Variants in NLRP1 observed in about 807,000 individuals in gnomAD.
NLRP1 encodes the protein NACHT, LRR and PYD domains-containing protein 1.
NLRP1 carries 94 observed loss-of-function variants against 136.7 expected under a neutral mutation model. That is an observed-to-expected ratio of 0.69 (90% CI 0.58 to 0.82). NLRP1 has a LOEUF of 0.82. Among genes scored for constraint, NLRP1 ranks in the 40% least tolerant of loss-of-function variants. NLRP1 has a pLI of 0.00. For missense variants in NLRP1, 1,575 were observed against 1,802.7 expected (o/e 0.87, Z 2.29); for synonymous variants, 690 against 725.1 (o/e 0.95, Z 0.78).
At chr17:5,531,272 G>A (rs1447513322) in intron 11 of NLRP1, among the ~76,000 whole-genome samples, 3 of 151,964 alleles carry the variant, frequency 2.0e-5, no homozygotes, top group African/African-American at 4.8e-5. Context: ...CTGGAGCGCA[G>A]TGGCCCGATC....
Position 5,582,064 on chromosome 17 carries a change from TG to T in NLRP1, c.449-3del, listed in dbSNP as rs1010176101. 6.2e-7 allele frequency: 1 copy of T among 1,607,294 alleles called. No individual in the cohort carries two copies. The highest frequency in any genetic ancestry group is 8.5e-7 in the Non-Finnish European group (1 of 1,175,340). ...GGTAGAGGAGTGAGGCAGAGATTTC[TG>T]GGGGGAATGAAAAGAAAAATAACCA... On this transcript the variant is annotated splice_region_variant and splice_polypyrimidine_tract_variant and intron_variant, in intron 2 of 16. Coordinates refer to ENST00000572272, the MANE Select transcript of NLRP1 (RefSeq NM_033004.4).
chr17:5,506,563 T>C (rs534819511), intron 15 of NLRP1, among the ~76,000 whole-genome samples: 46 of 152,170 alleles, frequency 3.0e-4, no homozygotes, highest in Non-Finnish European at 5.3e-4. Flanking sequence ...AAATGTGGCA[T>C]AGACATACAA....
At chr17:5,533,517 C>A in intron 9 of NLRP1, 133 bp from the exon 10 acceptor site, 1 of 584,618 alleles carries the variant, frequency 1.7e-6, no homozygotes, top group South Asian at 1.9e-5. Context: ...GAACATGCCA[C>A]TGCACTCCAG....
chr17:5,532,775 T>C, intron 11 of NLRP1, 47 bp downstream of exon 11: 1 of 1,522,076 alleles, frequency 6.6e-7, no homozygotes, highest in Non-Finnish European at 8.8e-7. Flanking sequence ...GGATGGGCAG[T>C]GGGGTGCGGG....
At chr17:5,507,953 G>T (rs1457413233) in intron 15 of NLRP1, among the ~76,000 whole-genome samples, 2 of 151,984 alleles carry the variant, frequency 1.3e-5, no homozygotes, top group African/African-American at 4.8e-5. Context: ...GGCCAACATG[G>T]TGAAACCCCA....
Position 5,521,533 on chromosome 17 carries a change from G to A in NLRP1, c.3774C>T (p.Ser1258=). The part of the protein sequence containing the change: ...FHLYLIPSDC[S]IRKAIDDLEM... ...TGGCTCTTAGTGTCACCTTCCGAAT[G>A]GAGCAGTCACTTGGGATCAGGTAGA... Residue 1258 remains serine, a synonymous_variant, in exon 13 of 17, where the codon TCC becomes TCT. Transcript: ENST00000572272. 1.9e-6 allele frequency: 3 copies of A among 1,613,252 alleles called. No homozygotes were observed. Among genetic ancestry groups the A allele is most frequent in the Non-Finnish European group, 8.5e-7 (1 of 1,179,498 alleles).
chr17:5,535,018 G>A (rs1200764666), intron 8 of NLRP1, among the ~76,000 whole-genome samples: 1 of 152,156 alleles, frequency 6.6e-6, no homozygotes, highest in Non-Finnish European at 1.5e-5. Context: ...TCAGGAGTTC[G>A]AGACCAGCCT....
intron 3 of NLRP1, among the ~76,000 whole-genome samples, chr17:5,565,016 C>T (rs997701945): frequency 6.6e-6 from 1 of 152,128 alleles, no homozygotes; most frequent in African/African-American, 2.4e-5. Flanking sequence ...GGATTACAGG[C>T]ATGAGCCACT....
At chr17:5,533,492 G>A in intron 9 of NLRP1, 108 bp from the exon 10 acceptor site, 1 of 645,310 alleles carries the variant, frequency 1.5e-6, no homozygotes, top group South Asian at 1.7e-5. Flanking sequence ...GAAGGTTTAG[G>A]CTGCAGTGAG....
chr17:5,546,843 C>T (rs1912722517), intron 5 of NLRP1, among the ~76,000 whole-genome samples: 1 of 152,126 alleles, frequency 6.6e-6, no homozygotes, highest in African/African-American at 2.4e-5. Flanking sequence ...GGCATCCAAG[C>T]GTGTGTAAGG....
intron 12 of NLRP1, among the ~76,000 whole-genome samples, chr17:5,526,514 CA>C (rs1395415874): frequency 3.3e-5 from 5 of 152,090 alleles, no homozygotes; most frequent in African/African-American, 1.2e-4. Context: ...TTCCCACAGG[CA>C]GCACAGAGAG....
At chr17:5,568,598 G>A (rs1199818472) in intron 3 of NLRP1, among the ~76,000 whole-genome samples, 2 of 152,212 alleles carry the variant, frequency 1.3e-5, no homozygotes, top group African/African-American at 2.4e-5. Flanking sequence ...CCTGGATGGT[G>A]TTAATGCTAG....
intron 3 of NLRP1, among the ~76,000 whole-genome samples, chr17:5,574,715 G>A (rs1457054604): frequency 1.3e-5 from 2 of 148,272 alleles, no homozygotes; most frequent in East Asian, 4.0e-4. Flanking sequence ...AGGCTGGAGT[G>A]CAGTGGCATA....
chr17:5,545,210 A>AGGTG (rs1291285036), intron 5 of NLRP1, among the ~76,000 whole-genome samples: 1 of 152,072 alleles, frequency 6.6e-6, no homozygotes, highest in African/African-American at 2.4e-5. Context: ...TTGGAGGCCG[A>AGGTG]GGTGGGAGGA....
At chr17:5,556,108 C>CTG (rs1914021878) in intron 4 of NLRP1, among the ~76,000 whole-genome samples, 1 of 135,546 alleles carries the variant, frequency 7.4e-6, no homozygotes, top group Admixed American at 8.1e-5. Context: ...GTCTCTGTCT[C>CTG]TCTCTCTACA....
At position 5,564,673 on chromosome 17, in the gene NLRP1, G is replaced by C. The variant is rs564216535; in HGVS notation, c.653-4630C>G. On this transcript the variant is annotated intron_variant, in intron 3 of 16. Coordinates refer to ENST00000572272, the MANE Select transcript of NLRP1 (RefSeq NM_033004.4). Reference sequence around the variant, plus strand: ...AACATAGAAGTGCATGTATCTCTTCGATATTCTGATTTCCTTTCTTTTGGA... The same window carrying C: ...AACATAGAAGTGCATGTATCTCTTCCATATTCTGATTTCCTTTCTTTTGGA... 2.7e-5 allele frequency among the ~76,000 whole-genome samples: 4 copies of C among 149,938 alleles called. No homozygotes were observed. In the South Asian group the frequency reaches 6.3e-4, roughly 24 times the overall value.
At position 5,520,984 on chromosome 17, in the gene NLRP1, T is replaced by C. The variant is rs1404233127; in HGVS notation, c.3812A>G (p.Gln1271Arg). The part of the protein sequence containing the change: ...KAIDDLEMKF[Q>R]FVRIHKPPPL... Reference sequence around the variant, plus strand: ...GGGTGGCTTGTGGATTCGCACAAACTGGAATTTCATTTCTAGATCATCTAT... The same window carrying C: ...GGGTGGCTTGTGGATTCGCACAAACCGGAATTTCATTTCTAGATCATCTAT... The change falls in exon 14 of 17, where the codon CAG becomes CGG. Residue 1271 changes from glutamine (Q) to arginine (R), a missense_variant. Transcript: ENST00000572272. The C allele has an allele frequency of 9.3e-6, 15 of 1,611,326 alleles. No homozygotes were observed. The highest frequency in any genetic ancestry group is 1.3e-5 in the Non-Finnish European group (15 of 1,178,686).
intron 3 of NLRP1, among the ~76,000 whole-genome samples, chr17:5,567,246 T>G (rs1249022172): frequency 6.6e-6 from 1 of 152,080 alleles, no homozygotes; most frequent in Non-Finnish European, 1.5e-5. Context: ...CTTCTTTCTT[T>G]TATTCCTGTC....
Position 5,559,153 on chromosome 17 carries a change from C to A in NLRP1, c.1543G>T (p.Ala515Ser). 6.2e-7 allele frequency: 1 copy of A among 1,614,162 alleles called. No homozygotes were observed. Among genetic ancestry groups the A allele is most frequent in the Non-Finnish European group, 8.5e-7 (1 of 1,180,018 alleles). ...GACACCCAGGGCACAAGACACAGGGCCCAGAGCTCTTTGTTTGATTTGACC... is the reference window on the plus strand; with the variant it reads ...GACACCCAGGGCACAAGACACAGGGACCAGAGCTCTTTGTTTGATTTGACC... ...RLVKSNKELW[A>S]LCLVPWVSWL... Residue 515 changes from alanine to serine, a missense_variant, in exon 4 of 17, where the codon GCC becomes TCC. Ala to Ser is a moderately conservative substitution (Grantham distance 99). Coordinates refer to ENST00000572272, the MANE Select transcript of NLRP1 (RefSeq NM_033004.4).
Sources: allele counts gnomAD v4.1 joint callset (sites outside exome capture counted in the v4.1 genomes callset), GRCh38; gene constraint gnomAD v4.1.1; transcripts MANE v1.5; gene names NCBI Gene and HGNC (gene_info 2026-07-23, HGNC 2026-07-21).